The following CCP110 variants were observed in gnomAD, a reference collection of about 807,000 sequenced individuals.
The protein encoded by CCP110 is centriolar coiled-coil protein 110.
Under a neutral mutation model 105.5 loss-of-function variants are expected in CCP110, and 43 were observed. That is an observed-to-expected ratio of 0.41 (90% CI 0.32 to 0.53). The LOEUF is 0.53. Ranked by LOEUF, CCP110 falls within the 20% of genes least tolerant of loss-of-function variation. CCP110 has a pLI of 0.32. For synonymous variants in CCP110, 353 were observed against 392.1 expected (o/e 0.90, Z 1.18); for missense variants, 1,016 against 1,189.1 (o/e 0.85, Z 2.14).
intron 14 of CCP110, among the ~76,000 whole-genome samples, chr16:19,549,461 G>T (rs946122615): frequency 1.3e-5 from 2 of 152,162 alleles, no homozygotes; most frequent in African/African-American, 4.8e-5. Flanking sequence ...CAAGCTATTG[G>T]TCGTAACTTT....
At chr16:19,538,795 A>G (rs1044073246) in intron 4 of CCP110, among the ~76,000 whole-genome samples, 1 of 152,114 alleles carries the variant, frequency 6.6e-6, no homozygotes, top group Non-Finnish European at 1.5e-5. Context: ...TATCAGAAAT[A>G]AGGCTCTGAG....
At chr16:19,540,504 G>A (rs142860293) in intron 4 of CCP110, among the ~76,000 whole-genome samples, 153 bp from the exon 5 acceptor site, 3 of 152,334 alleles carry the variant, frequency 2.0e-5, no homozygotes, top group East Asian at 1.9e-4. Flanking sequence ...TAAAAGGAGT[G>A]TGGTTCGAAG....
At chr16:19,546,496 T>A in intron 12 of CCP110, 22 bp downstream of exon 12, 1 of 1,414,936 alleles carries the variant, frequency 7.1e-7, no homozygotes. Flanking sequence ...CACTTAGTCT[T>A]AATGAGAGGC....
At position 19,548,253 on chromosome 16, in the gene CCP110, A is replaced by AT. The variant is rs1261776732; in HGVS notation, c.2900+243dup. 1.7e-6 allele frequency: 1 copy of AT among 577,888 alleles called. No individual in the cohort carries two copies. Among genetic ancestry groups the AT allele is most frequent in the African/African-American group, 1.9e-5 (1 of 53,362 alleles). The allele number at this position is 577,888 out of a possible 1,614,324, so 35.8% of individuals were successfully genotyped here. On this transcript the variant is annotated intron_variant, in intron 13 of 14. Coordinates refer to ENST00000381396, the Ensembl canonical transcript of CCP110. The surrounding 1 kb of genome is among the most constrained non-coding windows in gnomAD (Gnocchi z 4.1). ...ATGTTTTTACTTTTCATTTCATACC[A>AT]TTTTACTCATAAAGTATTTTAAATA...
intron 5 of CCP110, among the ~76,000 whole-genome samples, chr16:19,541,573 C>T (rs1333055217): frequency 1.3e-5 from 2 of 151,186 alleles, no homozygotes; most frequent in Non-Finnish European, 2.9e-5. Flanking sequence ...TTGCAGTGAA[C>T]CGAGATCGTG....
At chr16:19,528,219 G>A (rs1969742460) in intron 2 of CCP110, among the ~76,000 whole-genome samples, 197 bp downstream of exon 2, 1 of 152,202 alleles carries the variant, frequency 6.6e-6, no homozygotes, top group Non-Finnish European at 1.5e-5. Context: ...TCCTTAGATT[G>A]TGGAGAAAAT....
At chr16:19,537,454 G>A (rs374937720) in exon 4 of CCP110, 1 of 1,612,632 alleles carries the variant, frequency 6.2e-7, no homozygotes, top group South Asian at 1.1e-5. Flanking sequence ...TTGATGGTTT[G>A]CAAAAAGAAA....
chr16:19,542,967 G>A (rs1970340264), exon 8 of CCP110: 1 of 1,602,524 alleles, frequency 6.2e-7, no homozygotes, highest in Non-Finnish European at 8.5e-7. Flanking sequence ...AGACAGATAA[G>A]CTGAAGCAAC....
At chr16:19,536,914 T>C in exon 4 of CCP110, 2 of 1,614,194 alleles carry the variant, frequency 1.2e-6, no homozygotes, top group Non-Finnish European at 1.7e-6. Context: ...TTCAAGATAC[T>C]GATGAAAACA....
chr16:19,535,716 A>G (rs1038004762), intron 3 of CCP110, among the ~76,000 whole-genome samples: 1 of 151,988 alleles, frequency 6.6e-6, no homozygotes, highest in Admixed American at 6.6e-5. Flanking sequence ...CTCTTTTATA[A>G]CTCTTTTAAT....
Position 19,546,387 on chromosome 16 carries a change from T to C in CCP110, c.2778-25T>C, listed in dbSNP as rs374805480. 7.1e-5 allele frequency: 95 copies of C among 1,341,210 alleles called. No individual in the cohort carries two copies. In the Middle Eastern group the frequency reaches 7.3e-4, roughly 10 times the overall value. The allele number at this position is 1,341,210 out of a possible 1,614,324, so 83.1% of individuals were successfully genotyped here. ...TTTCTTCCCTTCTCTAAATACATTA[T>C]GTCCTTATTTTTATATTGTGTTAGA... On this transcript the variant is annotated intron_variant, in intron 11 of 14. Transcript: ENST00000381396.
chr16:19,537,499 A>C (rs1597263157), exon 4 of CCP110: 1 of 1,610,366 alleles, frequency 6.2e-7, no homozygotes, highest in East Asian at 2.2e-5. Flanking sequence ...GAATAACTGA[A>C]CAAGAAAGGC....
At chr16:19,540,820 G>A (rs1424679077) in intron 5 of CCP110, 33 bp downstream of exon 5, 1 of 1,596,834 alleles carries the variant, frequency 6.3e-7, no homozygotes, top group Non-Finnish European at 8.5e-7. Flanking sequence ...CAACTGGTAA[G>A]TGAAATTTAG....
At chr16:19,546,341 G>A in intron 11 of CCP110, 71 bp from the exon 12 acceptor site, 2 of 865,606 alleles carry the variant, frequency 2.3e-6, no homozygotes, top group South Asian at 3.0e-5. Flanking sequence ...CTGTCATCCT[G>A]TATTACATTT....
At chr16:19,543,126 C>A in intron 8 of CCP110, 132 bp downstream of exon 8, 2 of 592,964 alleles carry the variant, frequency 3.4e-6, no homozygotes, top group South Asian at 4.7e-5. Context: ...TTTTAGAAGT[C>A]TGATTGTTTG....
intron 2 of CCP110, 47 bp from the exon 3 acceptor site, chr16:19,532,369 G>C: frequency 6.7e-7 from 1 of 1,499,520 alleles, no homozygotes; most frequent in East Asian, 2.3e-5. Context: ...CCGATTTTAT[G>C]ATATTTTTAT....
In CCP110 at chr16:19,545,897, T is replaced by A. The variant is rs1970442123; in HGVS notation, c.2777+7T>A. ...ATAGGAAGAAATACATGAAGTAAGT[T>A]TTTTGTATCATGTCATGTTAGTTAT... On this transcript the variant is annotated splice_region_variant and intron_variant, in intron 11 of 14. Transcript: ENST00000381396. 1 of 1,537,532 alleles carries A rather than the reference T, an allele frequency of 6.5e-7. No homozygotes were observed.
chr16:19,551,433 A>T, exon 15 of CCP110: 2 of 632,216 alleles, frequency 3.2e-6, no homozygotes, highest in South Asian at 3.8e-5. Flanking sequence ...TTTTCCTCTT[A>T]ATAATACGTT....
chr16:19,526,309 CT>C (rs1460475447), intron 1 of CCP110: 1 of 152,088 alleles, frequency 6.6e-6, no homozygotes, highest in Non-Finnish European at 1.5e-5. Flanking sequence ...AGATATATTA[CT>C]TTATTTGTAT....
Sources: allele counts gnomAD v4.1 joint callset (sites outside exome capture counted in the v4.1 genomes callset), GRCh38; gene constraint gnomAD v4.1.1; non-coding constraint Gnocchi (gnomAD v3.1); transcripts MANE v1.5; gene names NCBI Gene and HGNC (gene_info 2026-07-23, HGNC 2026-07-21).